The following TACR3 variants were observed in gnomAD, a reference collection of about 807,000 sequenced individuals.
The protein encoded by TACR3 is tachykinin receptor 3, also known as neuromedin-K receptor.
A neutral mutation model predicts 35.0 loss-of-function variants in TACR3; 34 were observed. The ratio of observed to expected loss-of-function variants is 0.97; its 90% confidence interval spans 0.74 to 1.30. The LOEUF is 1.30. Ranked by LOEUF, TACR3 falls within the 50% of genes most tolerant of loss-of-function variation. The pLI is 0.00. For synonymous variants in TACR3, 233 were observed against 221.1 expected (o/e 1.05, Z -0.48); for missense variants, 558 against 591.7 (o/e 0.94, Z 0.59).
chr4:103,667,495 T>A (rs543745460), intron 1 of TACR3, among the ~76,000 whole-genome samples: 9 of 152,310 alleles, frequency 5.9e-5, no homozygotes, highest in Admixed American at 2.0e-4. Flanking sequence ...AGAATTAGAA[T>A]GTTTCTAACA....
chr4:103,669,653 A>T (rs1161969267), intron 1 of TACR3, among the ~76,000 whole-genome samples: 1 of 152,072 alleles, frequency 6.6e-6, no homozygotes, highest in Non-Finnish European at 1.5e-5. Context: ...TCATTGAGAA[A>T]TGTCTGTTCA....
chr4:103,608,871 G>C (rs1490172600), intron 3 of TACR3, among the ~76,000 whole-genome samples: 2 of 152,042 alleles, frequency 1.3e-5, no homozygotes, highest in African/African-American at 4.8e-5. Context: ...TTGTCTCCTA[G>C]TTTCTTAATA....
intron 3 of TACR3, among the ~76,000 whole-genome samples, chr4:103,596,999 CATT>C (rs561958249): frequency 0.017 from 2,568 of 152,042 alleles, 67 homozygotes; most frequent in African/African-American, 0.06. Context: ...TCCAGTCTAT[CATT>C]GTTGGACATT....
chr4:103,639,962 T>A (rs548797905), intron 3 of TACR3, among the ~76,000 whole-genome samples: 2 of 151,984 alleles, frequency 1.3e-5, no homozygotes, highest in Non-Finnish European at 2.9e-5. Context: ...ATCTTTTAAT[T>A]AATAATCATA....
Position 103,704,019 on chromosome 4 carries a change from G to A in TACR3, c.548+15109C>T, listed in dbSNP as rs143407569. Reference sequence around the variant, plus strand: ...TGCAGGAGGCTGAGGCAGGAGAATGGAGTGAACCCGGCAGGCGGAGCTTGC... The same window carrying A: ...TGCAGGAGGCTGAGGCAGGAGAATGAAGTGAACCCGGCAGGCGGAGCTTGC... On this transcript the variant is annotated intron_variant, in intron 1 of 4. Coordinates refer to ENST00000304883, the MANE Select transcript of TACR3 (RefSeq NM_001059.3). Among the ~76,000 whole-genome samples the A allele has an allele frequency of 5.4e-5, 8 of 148,606 alleles. No homozygotes were observed. The East Asian group carries it at 1.6e-3, about 30-fold the overall frequency.
chr4:103,702,354 C>A (rs1480923374), intron 1 of TACR3, among the ~76,000 whole-genome samples: 1 of 152,086 alleles, frequency 6.6e-6, no homozygotes, highest in African/African-American at 2.4e-5. Context: ...CAATGAGATA[C>A]CATCTCACAC....
At chr4:103,639,758 G>T (rs1463891931) in intron 3 of TACR3, among the ~76,000 whole-genome samples, 1 of 151,824 alleles carries the variant, frequency 6.6e-6, no homozygotes, top group Non-Finnish European at 1.5e-5. Flanking sequence ...TGACTCTATT[G>T]TTAAATAAAA....
Position 103,597,551 on chromosome 4 carries a change from C to G in TACR3, c.889-5868G>C, listed in dbSNP as rs1724063496. On this transcript the variant is annotated intron_variant, in intron 3 of 4. Coordinates refer to ENST00000304883, the MANE Select transcript of TACR3 (RefSeq NM_001059.3). ...ACATGTGCCATGTTGGTCTGCTGCA[C>G]CCATTAACTCGTCATTTACATTAGG... Among the ~76,000 whole-genome samples, 2 of 152,052 alleles carry G rather than the reference C, an allele frequency of 1.3e-5. 1 individual carries two copies. The highest frequency in any genetic ancestry group is 4.1e-4 in the South Asian group (2 of 4,828).
chr4:103,644,133 A>G (rs1020301848), intron 3 of TACR3, among the ~76,000 whole-genome samples: 7 of 151,878 alleles, frequency 4.6e-5, no homozygotes, highest in African/African-American at 1.7e-4. Context: ...AGCAGGAGGA[A>G]TATTTAATCA....
At chr4:103,717,850 T>C (rs992503038) in intron 1 of TACR3, among the ~76,000 whole-genome samples, 3 of 151,970 alleles carry the variant, frequency 2.0e-5, no homozygotes, top group African/African-American at 7.2e-5. Flanking sequence ...CTATACATAG[T>C]AGTAATGAAG....
intron 1 of TACR3, among the ~76,000 whole-genome samples, chr4:103,714,782 A>T (rs1656468005): frequency 6.6e-6 from 1 of 152,172 alleles, no homozygotes; most frequent in African/African-American, 2.4e-5. Context: ...TCATATCTAT[A>T]ATGTTGGTAA....
At chr4:103,623,044 A>G (rs1349574613) in intron 3 of TACR3, among the ~76,000 whole-genome samples, 2 of 152,162 alleles carry the variant, frequency 1.3e-5, no homozygotes, top group Non-Finnish European at 2.9e-5. Flanking sequence ...ATACCTACCT[A>G]ATGTATTTAA....
intron 1 of TACR3, among the ~76,000 whole-genome samples, chr4:103,668,062 G>A (rs1317237639): frequency 1.3e-5 from 2 of 152,082 alleles, no homozygotes; most frequent in East Asian, 3.9e-4. Context: ...GAAATCCTGA[G>A]TTCAAGTGAT....
At chr4:103,668,170 G>A (rs1725974306) in intron 1 of TACR3, among the ~76,000 whole-genome samples, 1 of 152,026 alleles carries the variant, frequency 6.6e-6, no homozygotes. Context: ...GGAGAACCTT[G>A]GATATGTTGT....
intron 3 of TACR3, among the ~76,000 whole-genome samples, chr4:103,616,861 T>C (rs1381980442): frequency 6.6e-6 from 1 of 152,152 alleles, no homozygotes; most frequent in East Asian, 1.9e-4. Context: ...GGTGGGCATG[T>C]CGATTAAGCC....
Position 103,600,020 on chromosome 4 carries a change from A to G in TACR3, c.889-8337T>C, listed in dbSNP as rs943570694. 3.9e-5 allele frequency among the ~76,000 whole-genome samples: 6 copies of G among 152,266 alleles called. No homozygotes were observed. The East Asian group carries it at 9.6e-4, about 24-fold the overall frequency. ...TTTTTCTATTGATTGGAATAGTTTC[A>G]GAAGGAATGGTATCAGCTCCTCTTT... On this transcript the variant is annotated intron_variant, in intron 3 of 4. Transcript: ENST00000304883.
chr4:103,615,071 A>AT (rs1181202453), intron 3 of TACR3, among the ~76,000 whole-genome samples: 2 of 150,872 alleles, frequency 1.3e-5, no homozygotes, highest in African/African-American at 4.9e-5. Flanking sequence ...ATTTTTTTGT[A>AT]TTTTTTAGTA....
Position 103,646,570 on chromosome 4 carries a change from T to G in TACR3, c.888+9624A>C, listed in dbSNP as rs192052908. Among the ~76,000 whole-genome samples, 132 of 152,124 alleles carry G rather than the reference T, an allele frequency of 8.7e-4. 1 individual carries two copies. Among genetic ancestry groups the G allele is most frequent in the African/African-American group, 3.1e-3 (127 of 41,532 alleles). On this transcript the variant is annotated intron_variant, in intron 3 of 4. Transcript: ENST00000304883. ...CATTGGTCTTGTAGCATTTATGTTG[T>G]ACAAGGCCAGTGTTGTAGATAGTTA... is the stretch of plus-strand genomic sequence containing the variant.
At chr4:103,654,440 G>T (rs1382390034) in intron 3 of TACR3, among the ~76,000 whole-genome samples, 1 of 149,130 alleles carries the variant, frequency 6.7e-6, no homozygotes, top group Non-Finnish European at 1.5e-5. Context: ...GCAAACTATT[G>T]CAAGGACAAA....
Sources: gnomAD v4.1 joint callset for allele counts (sites outside exome capture counted in the v4.1 genomes callset) on GRCh38, gnomAD v4.1.1 for gene constraint, MANE v1.5 for transcripts, NCBI Gene and HGNC (gene_info 2026-07-23, HGNC 2026-07-21) for gene names.